Variants in KLHL29 observed in about 807,000 individuals in gnomAD.
The protein encoded by KLHL29 is kelch-like protein 29.
KLHL29 carries 21 observed loss-of-function variants against 80.4 expected under a neutral mutation model. The ratio of observed to expected loss-of-function variants is 0.26; its 90% CI spans 0.19 to 0.38. The LOEUF (loss-of-function observed/expected upper bound fraction) is 0.38. Ranked by LOEUF, KLHL29 falls within the 10% of genes least tolerant of loss-of-function variation. KLHL29 has a pLI of 1.00. For missense variants in KLHL29, 867 were observed against 1,223.9 expected, an observed-to-expected ratio of 0.71 and a Z score of 4.35; for synonymous variants, 511 against 526.8, an observed-to-expected ratio of 0.97 and a Z score of 0.41.
At chr2:23,555,843 T>C (rs953582407) in intron 2 of KLHL29, among the ~76,000 whole-genome samples, 1 of 152,198 alleles carries the variant, frequency 6.6e-6, no homozygotes, top group Admixed American at 6.5e-5. Context: ...TGATCCGAAT[T>C]GTGAGGCAGT....
At chr2:23,532,297 A>G (rs921607024) in intron 2 of KLHL29, among the ~76,000 whole-genome samples, 1 of 152,228 alleles carries the variant, frequency 6.6e-6, no homozygotes, top group Non-Finnish European at 1.5e-5. Flanking sequence ...TTAAAACTCT[A>G]TTAACTCCCT....
intron 4 of KLHL29, among the ~76,000 whole-genome samples, chr2:23,641,113 C>G (rs980457929): frequency 3.3e-5 from 5 of 152,132 alleles, no homozygotes; most frequent in African/African-American, 9.7e-5. Context: ...AGACCTGGAC[C>G]CAGGCTCATT....
At chr2:23,492,502 A>G (rs144895741) in intron 2 of KLHL29, among the ~76,000 whole-genome samples, 270 of 152,312 alleles carry the variant, frequency 1.8e-3, no homozygotes, top group African/African-American at 6.2e-3. Flanking sequence ...ACCTGGCTTC[A>G]GGCTACTCTT....
Position 23,495,859 on chromosome 2 carries a change from T to G in KLHL29, c.-46+20192T>G, listed in dbSNP as rs1052434494. On this transcript the variant is annotated intron_variant, in intron 2 of 13. Coordinates refer to ENST00000486442, the MANE Select transcript of KLHL29 (RefSeq NM_052920.2). ...TCCTTGGCAGGCAGGACCTCCTAATTTTTTCCACTTCTTGTGATTAGCGTT... is the reference window on the plus strand; with the variant it reads ...TCCTTGGCAGGCAGGACCTCCTAATGTTTTCCACTTCTTGTGATTAGCGTT... Among the ~76,000 whole-genome samples, 24 of 152,250 alleles carry G rather than the reference T, an allele frequency of 1.6e-4. 1 individual carries two copies. Among genetic ancestry groups the G allele is most frequent in the Admixed American group, 9.2e-4 (14 of 15,288 alleles).
Position 23,539,433 on chromosome 2 carries a change from T to A in KLHL29, c.-45-22719T>A, listed in dbSNP as rs905949475. 1.1e-3 allele frequency among the ~76,000 whole-genome samples: 14 copies of A among 12,480 alleles called. 1 individual carries two copies. The African/African-American group carries it at 0.011, about 10-fold the overall frequency. The allele number at this position is 12,480 out of a possible 152,430, so 8.2% of individuals were successfully genotyped here. On this transcript the variant is annotated intron_variant, in intron 2 of 13. Transcript: ENST00000486442. The stretch of plus-strand genomic sequence containing the variant: ...GCTTTGCTAGCCTTATCCTGCCTCC[T>A]TTTTTTTTTTTTTTTTTTTTTTTTT...
intron 2 of KLHL29, among the ~76,000 whole-genome samples, chr2:23,493,632 CGT>C (rs926173957): frequency 1.2e-4 from 18 of 150,078 alleles, no homozygotes; most frequent in Non-Finnish European, 1.8e-4. Context: ...GCGGGGTGGG[CGT>C]GTGTGTGTGA....
At chr2:23,557,606 G>C (rs1454317375) in intron 2 of KLHL29, among the ~76,000 whole-genome samples, 3 of 152,110 alleles carry the variant, frequency 2.0e-5, no homozygotes, top group East Asian at 3.9e-4. Context: ...TGTAAGGCGC[G>C]GGCATGGCAT....
At chr2:23,644,005 A>G (rs1484347272) in intron 5 of KLHL29, 1 of 152,168 alleles carries the variant, frequency 6.6e-6, no homozygotes, top group Non-Finnish European at 1.5e-5. Context: ...TTCTCTCCCA[A>G]GTCTCTTCCT....
rs528222297 is a variant in KLHL29, at chr2:23,562,972, A to G, written c.285+491A>G. Among the ~76,000 whole-genome samples, 23 of 152,336 alleles carry G rather than the reference A, an allele frequency of 1.5e-4. No homozygotes were observed. The highest frequency in any genetic ancestry group is 5.5e-4 in the African/African-American group (23 of 41,586). ...CGTTGTCTCTTCTGAGCCTTGCCAC[A>G]GCACGGTGAGGTCAGTACTTTTATC... On this transcript the variant is annotated intron_variant, in intron 3 of 13. Transcript: ENST00000486442. This position sits in a 1 kb window ranked among gnomAD's most constrained non-coding sequence, Gnocchi z 4.5.
chr2:23,438,572 G>A (rs1372905058), intron 1 of KLHL29, among the ~76,000 whole-genome samples: 4 of 150,542 alleles, frequency 2.7e-5, no homozygotes, highest in Admixed American at 6.6e-5. Context: ...AGATAGTCAT[G>A]TGGTTTTTGT....
In KLHL29 at chr2:23,630,066, G is replaced by A. The variant is rs532245495; in HGVS notation, c.286-9073G>A. Among the ~76,000 whole-genome samples, 22 of 152,334 alleles carry A rather than the reference G, an allele frequency of 1.4e-4. 1 individual carries two copies. In the South Asian group the frequency reaches 4.6e-3, roughly 32 times the overall value. The stretch of plus-strand genomic sequence containing the variant: ...TTGTTAGGGATCAGAGAAAGAGGAC[G>A]TGAAATGCTCCCGTATTTGGCATTA... On this transcript the variant is annotated intron_variant, in intron 3 of 13. Transcript: ENST00000486442.
At position 23,670,531 on chromosome 2, in the gene KLHL29, A is replaced by T. The variant is rs112224828; in HGVS notation, c.941-13868A>T. ...GGTCCCCCCAACCCCCAGGCCTGAC[A>T]TAGGCCTCCTAAGGCAGACCTGACT... On this transcript the variant is annotated intron_variant, in intron 5 of 13. Coordinates refer to ENST00000486442, the MANE Select transcript of KLHL29 (RefSeq NM_052920.2). Among the ~76,000 whole-genome samples the T allele has an allele frequency of 2.1e-3, 316 of 152,168 alleles. 2 individuals carry two copies. The highest frequency in any genetic ancestry group is 7.3e-3 in the African/African-American group (302 of 41,522).
intron 2 of KLHL29, among the ~76,000 whole-genome samples, chr2:23,551,555 C>T (rs1572395525): frequency 6.6e-6 from 1 of 152,186 alleles, no homozygotes; most frequent in African/African-American, 2.4e-5. Context: ...TGAAACTTAA[C>T]CACCAGAAAA....
At chr2:23,663,299 G>A (rs1263724516) in intron 5 of KLHL29, among the ~76,000 whole-genome samples, 1 of 152,216 alleles carries the variant, frequency 6.6e-6, no homozygotes, top group Non-Finnish European at 1.5e-5. Flanking sequence ...TTTCCAGGTA[G>A]GGGTCCCCTC....
chr2:23,577,732 G>C (rs1378594895), intron 3 of KLHL29, among the ~76,000 whole-genome samples: 1 of 150,640 alleles, frequency 6.6e-6, no homozygotes, highest in Non-Finnish European at 1.5e-5. Context: ...TGGGTGACTA[G>C]AGCGAAACTT....
intron 3 of KLHL29, among the ~76,000 whole-genome samples, chr2:23,578,988 G>A (rs1013814539): frequency 1.1e-4 from 16 of 152,184 alleles, no homozygotes; most frequent in African/African-American, 3.1e-4. Context: ...GGAAATCATC[G>A]CCTCTATCTG....
At chr2:23,498,034 A>G (rs913774140) in intron 2 of KLHL29, among the ~76,000 whole-genome samples, 1 of 152,226 alleles carries the variant, frequency 6.6e-6, no homozygotes, top group Non-Finnish European at 1.5e-5. Flanking sequence ...TGAAATGGTT[A>G]TTATAGTTAA....
chr2:23,420,593 A>G (rs755838513), intron 1 of KLHL29, among the ~76,000 whole-genome samples: 27 of 152,244 alleles, frequency 1.8e-4, no homozygotes, highest in East Asian at 3.9e-4. Flanking sequence ...GATCGTGTGT[A>G]TTTTCTGGCA....
chr2:23,531,950 CGCCACGACTCCCAAGTGCCA>C (rs1482001267), intron 2 of KLHL29, among the ~76,000 whole-genome samples: 2 of 152,162 alleles, frequency 1.3e-5, no homozygotes, highest in Non-Finnish European at 2.9e-5. Context: ...AGAACCAAGT[CGCCACGACTCCCAAGTGCCA>C]CCTCAGTAAG....
Sources: gnomAD v4.1 joint callset for allele counts (sites outside exome capture counted in the v4.1 genomes callset) on GRCh38, gnomAD v4.1.1 for gene constraint, Gnocchi (gnomAD v3.1) non-coding constraint, MANE v1.5 for transcripts, NCBI Gene and HGNC (gene_info 2026-07-23, HGNC 2026-07-21) for gene names.